The following AXDND1 variants were observed in gnomAD, a reference collection of about 807,000 sequenced individuals.
The protein encoded by AXDND1 is axonemal dynein light chain domain-containing protein 1.
Under a neutral mutation model 137.5 loss-of-function variants are expected in AXDND1, and 110 were observed. The ratio of observed to expected loss-of-function variants is 0.80; its 90% CI spans 0.69 to 0.94. AXDND1 has a LOEUF of 0.94. Among genes scored for constraint, AXDND1 ranks in the 40% least tolerant of loss-of-function variants. The pLI, the probability that AXDND1 is intolerant of heterozygous loss-of-function variation, is 0.00. For missense variants in AXDND1, 1,191 were observed against 1,169.8 expected (o/e 1.02, Z -0.26); for synonymous variants, 414 against 399.7 (o/e 1.04, Z -0.43).
chr1:179,480,121 A>G (rs1665178129), intron 17 of AXDND1, among the ~76,000 whole-genome samples: 1 of 152,180 alleles, frequency 6.6e-6, no homozygotes, highest in South Asian at 2.1e-4. Flanking sequence ...GGTCGCTCCC[A>G]CATTTTTGGG....
In AXDND1 at chr1:179,476,556, G is replaced by GT. The variant is rs71569254; in HGVS notation, c.1998-6562dup. Among the ~76,000 whole-genome samples, 672 of 150,520 alleles carry GT rather than the reference G, an allele frequency of 4.5e-3. 6 individuals carry two copies. The highest frequency in any genetic ancestry group is 0.015 in the African/African-American group (612 of 41,074). Reference sequence around the variant, plus strand: ...AAGTCTACTAGCAACAAATTCTTCGGTTTTTTTTTTAAATCTGGGGCAGTC... The same window carrying GT: ...AAGTCTACTAGCAACAAATTCTTCGGTTTTTTTTTTTAAATCTGGGGCAGTC... On this transcript the variant is annotated intron_variant, in intron 17 of 25. Coordinates refer to ENST00000367618, the MANE Select transcript of AXDND1 (RefSeq NM_144696.6).
intron 25 of AXDND1, among the ~76,000 whole-genome samples, chr1:179,539,184 T>A (rs61827695): frequency 2.6e-5 from 4 of 152,206 alleles, no homozygotes; most frequent in African/African-American, 9.6e-5. Context: ...ATTTAGCCCA[T>A]TTACATTTAA....
At chr1:179,402,526 T>C (rs1652252853) in intron 11 of AXDND1, among the ~76,000 whole-genome samples, 1 of 152,200 alleles carries the variant, frequency 6.6e-6, no homozygotes, top group Non-Finnish European at 1.5e-5. Flanking sequence ...GCCAATCTCT[T>C]GTTTGTATAC....
At chr1:179,377,372 T>G (rs1359170765) in intron 4 of AXDND1, among the ~76,000 whole-genome samples, 1 of 152,224 alleles carries the variant, frequency 6.6e-6, no homozygotes, top group Non-Finnish European at 1.5e-5. Context: ...GAATTAGTCT[T>G]TACTATGTAA....
At chr1:179,446,562 T>TGATA (rs1430657312) in intron 16 of AXDND1, among the ~76,000 whole-genome samples, 1 of 152,162 alleles carries the variant, frequency 6.6e-6, no homozygotes, top group Non-Finnish European at 1.5e-5. Context: ...GGTGATTCTG[T>TGATA]TGCCAGTGGT....
At chr1:179,478,590 A>G (rs1664922288) in intron 17 of AXDND1, among the ~76,000 whole-genome samples, 1 of 152,144 alleles carries the variant, frequency 6.6e-6, no homozygotes, top group African/African-American at 2.4e-5. Context: ...TTTCCTCCTA[A>G]GCCTTCAGGC....
Position 179,395,199 on chromosome 1 carries a change from C to T in AXDND1, c.1106C>T (p.Ala369Val). Residue 369 changes from alanine to valine, a missense_variant, in exon 11 of 26, where the codon GCC becomes GTC. Ala to Val is a moderately conservative substitution (Grantham distance 64). Transcript: ENST00000367618. Reference protein sequence around the residue: ...AQALLNAEKNAKIVEEYHDLY... With the variant: ...AQALLNAEKNVKIVEEYHDLY... ...GCTCTTTTAAATGCGGAAAAGAATG[C>T]CAAGTGAGTTGCTTAAAGTTTGTTT... is the stretch of plus-strand genomic sequence containing the variant. The T allele has an allele frequency of 6.2e-7, 1 of 1,610,410 alleles. No homozygotes were observed.
rs561934075 is a variant in AXDND1 at position 179,461,679 on chromosome 1, A to T, written c.1799-6764A>T. On this transcript the variant is annotated intron_variant, in intron 16 of 25. Transcript: ENST00000367618. ...TTCACGATATTGATTCTTCCTATCC[A>T]TGAACATGGAGTGTTCTGCCGTTTG... Among the ~76,000 whole-genome samples the T allele has an allele frequency of 8.3e-4, 127 of 152,304 alleles. 1 individual carries two copies. Among genetic ancestry groups the T allele is most frequent in the African/African-American group, 3.0e-3 (124 of 41,554 alleles).
chr1:179,534,739 A>G lies in AXDND1; in HGVS notation c.2808A>G (p.Glu936=). The stretch of plus-strand genomic sequence containing the variant: ...TTCTCTTCCATATCAGGGAGGTTGA[A>G]AATAGAGCCAGACAGGCAGAGGAGA... ...EHMQEKLLEV[E]NRARQAEEKF... Residue 936 remains glutamate (E), a synonymous_variant, in exon 25 of 26, where the codon GAA becomes GAG. Coordinates refer to ENST00000367618, the MANE Select transcript of AXDND1 (RefSeq NM_144696.6). 4 of 1,578,090 alleles carry G rather than the reference A, an allele frequency of 2.5e-6. No homozygotes were observed. The highest frequency in any genetic ancestry group is 3.4e-6 in the Non-Finnish European group (4 of 1,171,092).
chr1:179,456,795 G>T (rs1661471165), intron 16 of AXDND1: 1 of 788,364 alleles, frequency 1.3e-6, no homozygotes, highest in Non-Finnish European at 2.3e-6. Flanking sequence ...CTCTTGGTCT[G>T]ACAGGGCTTT....
intron 25 of AXDND1, chr1:179,550,879 A>G: frequency 2.3e-6 from 1 of 431,530 alleles, no homozygotes; most frequent in Non-Finnish European, 4.3e-6. Context: ...AGTTCCCAGA[A>G]GTCAAAATTT....
chr1:179,392,336 T>C (rs1025499111), intron 9 of AXDND1, among the ~76,000 whole-genome samples: 6 of 152,242 alleles, frequency 3.9e-5, no homozygotes, highest in Admixed American at 1.3e-4. Flanking sequence ...TAGTATTCCA[T>C]AGTGTGTATA....
chr1:179,460,656 A>T (rs899825976), intron 16 of AXDND1, among the ~76,000 whole-genome samples: 3 of 152,234 alleles, frequency 2.0e-5, no homozygotes, highest in Non-Finnish European at 2.9e-5. Context: ...ACTAGTTTAC[A>T]GTCCCAACAA....
chr1:179,514,234 C>T (rs926492772), intron 21 of AXDND1, among the ~76,000 whole-genome samples: 3 of 152,062 alleles, frequency 2.0e-5, no homozygotes, highest in Non-Finnish European at 2.9e-5. Context: ...CTTAGCACAG[C>T]CTTTGCTGTA....
At chr1:179,406,651 T>A (rs1457195703) in intron 11 of AXDND1, among the ~76,000 whole-genome samples, 1 of 152,188 alleles carries the variant, frequency 6.6e-6, no homozygotes, top group Non-Finnish European at 1.5e-5. Context: ...AAATTCTGAT[T>A]TATCTGATGT....
chr1:179,502,518 T>G (rs953639951), intron 20 of AXDND1, among the ~76,000 whole-genome samples: 2 of 141,532 alleles, frequency 1.4e-5, no homozygotes, highest in Non-Finnish European at 3.0e-5. Flanking sequence ...GAGCCAAGAT[T>G]GCACCACTGC....
chr1:179,472,485 A>C (rs1401578258), intron 17 of AXDND1, among the ~76,000 whole-genome samples: 1 of 152,178 alleles, frequency 6.6e-6, no homozygotes, highest in African/African-American at 2.4e-5. Flanking sequence ...TTATTGGAGA[A>C]AGTGTTCTAG....
In AXDND1 at chr1:179,491,723, C is replaced by T; in HGVS notation, c.2277C>T (p.Ser759=). The T allele has an allele frequency of 6.4e-7, 1 of 1,561,034 alleles. No individual in the cohort carries two copies. The highest frequency in any genetic ancestry group is 2.0e-5 in the Admixed American group (1 of 51,074). ...IELTRKLYQY[S]SYLSSCCKGM... is the part of the protein sequence containing the mutation. Reference sequence around the variant, plus strand: ...TGACAAGGAAGTTGTACCAATACTCCAGCTATTTGAGCAGGTGAAGCGGTT... The same window carrying T: ...TGACAAGGAAGTTGTACCAATACTCTAGCTATTTGAGCAGGTGAAGCGGTT... The change falls in exon 19 of 26, where the codon TCC becomes TCT. Residue 759 remains serine, a synonymous_variant. Coordinates refer to ENST00000367618, the MANE Select transcript of AXDND1 (RefSeq NM_144696.6).
chr1:179,483,615 G>A (rs1048462313), intron 18 of AXDND1, among the ~76,000 whole-genome samples: 3 of 152,172 alleles, frequency 2.0e-5, no homozygotes, highest in African/African-American at 7.2e-5. Context: ...ATCTAATGGT[G>A]CTGCTACATT....
Sources: allele counts gnomAD v4.1 joint callset (sites outside exome capture counted in the v4.1 genomes callset), GRCh38; gene constraint gnomAD v4.1.1; transcripts MANE v1.5; gene names NCBI Gene and HGNC (gene_info 2026-07-23, HGNC 2026-07-21).